Variants in ZC3H3 observed in about 807,000 individuals in gnomAD.
The protein encoded by ZC3H3 is zinc finger CCCH-type containing 3.
In ZC3H3, 36 loss-of-function variants were observed where a neutral mutation model predicts 77.3. That is an observed-to-expected ratio of 0.47 (90% CI 0.36 to 0.61). The LOEUF (loss-of-function observed/expected upper bound fraction) is 0.61, where lower values mean the gene tolerates loss of function less well. ZC3H3 is among the 20% of genes least tolerant of loss of function. The pLI is 0.00. For missense variants in ZC3H3, 1,331 were observed against 1,312.2 expected, an observed-to-expected ratio of 1.01 and a Z score of -0.22; for synonymous variants, 626 against 555.2, an observed-to-expected ratio of 1.13 and a Z score of -1.79.
chr8:143,468,709 C>T lies in ZC3H3; in HGVS notation c.1904-50G>A, dbSNP rs183238385. The T allele has an allele frequency of 1.1e-3, 1,708 of 1,522,086 alleles. 16 individuals are homozygous for T. Among genetic ancestry groups the T allele is most frequent in the Middle Eastern group, 9.9e-3 (45 of 4,528 alleles). The allele number at this position is 1,522,086 out of a possible 1,614,324, so 94.3% of individuals were successfully genotyped here. ...ATAGCAGGCCACAGCCTGGCCCGCA[C>T]GCCCTTTCCCTGCTGACCCCCTTAG... On this transcript the variant is annotated intron_variant, in intron 5 of 11. Transcript: ENST00000262577.
intron 9 of ZC3H3, among the ~76,000 whole-genome samples, chr8:143,447,798 C>T (rs538743016): frequency 4.2e-4 from 64 of 152,266 alleles, no homozygotes; most frequent in African/African-American, 1.5e-3. Flanking sequence ...GAGAAGCCTA[C>T]CACAAGAACA....
At chr8:143,515,424 G>A (rs888227461) in intron 3 of ZC3H3, among the ~76,000 whole-genome samples, 5 of 152,366 alleles carry the variant, frequency 3.3e-5, no homozygotes, top group Admixed American at 2.6e-4. Context: ...ATCAGCTTCC[G>A]GCAGACGGCA....
chr8:143,484,267 C>T (rs1820988839), intron 4 of ZC3H3, among the ~76,000 whole-genome samples: 1 of 152,198 alleles, frequency 6.6e-6, no homozygotes, highest in Non-Finnish European at 1.5e-5. Context: ...CCCCGTCTCA[C>T]CCCAGTAATG....
At chr8:143,535,768 G>A (rs1822775596) in intron 3 of ZC3H3, among the ~76,000 whole-genome samples, 1 of 152,234 alleles carries the variant, frequency 6.6e-6, no homozygotes, top group Admixed American at 6.5e-5. Flanking sequence ...ACTTAGAGTG[G>A]TACAGCAGGA....
chr8:143,439,811 C>T (rs1288836915), intron 11 of ZC3H3, among the ~76,000 whole-genome samples: 1 of 149,152 alleles, frequency 6.7e-6, no homozygotes, highest in African/African-American at 2.6e-5. Context: ...CGAGCCCGGC[C>T]ATGCTGCCTA....
intron 4 of ZC3H3, among the ~76,000 whole-genome samples, chr8:143,500,847 T>A (rs1180080790): frequency 6.8e-6 from 1 of 146,668 alleles, no homozygotes; most frequent in African/African-American, 2.5e-5. Flanking sequence ...ACTATCTCAC[T>A]CTGTTGCCCA....
rs1039749035 is a variant in ZC3H3, at chr8:143,518,547, C to T, written c.1562-10648G>A. ...CTGCCAGGACTCCCCGGCCACATGC[C>T]GCTCTCCTCTGGGCCACTCCTGGCC... On this transcript the variant is annotated intron_variant, in intron 3 of 11. Transcript: ENST00000262577. Among the ~76,000 whole-genome samples the T allele has an allele frequency of 7.9e-5, 12 of 152,378 alleles. 1 individual carries two copies. The highest frequency in any genetic ancestry group is 4.1e-4 in the South Asian group (2 of 4,830).
In ZC3H3 at chr8:143,539,280, C is replaced by T. The variant is rs768987461; in HGVS notation, c.87G>A (p.Pro29=). Residue 29 remains proline, a synonymous_variant, in exon 2 of 12, where the codon CCG becomes CCA. Transcript: ENST00000262577. ...DDYKTLHGNA[P]APGTPAASGW... The stretch of plus-strand genomic sequence containing the variant: ...CAGAAGCTGCTGGGGTACCAGGGGC[C>T]GGGGCATTGCCGTGGAGGGTTTTGT... The T allele has an allele frequency of 1.4e-5, 22 of 1,612,270 alleles. No homozygotes were observed. The highest frequency in any genetic ancestry group is 5.0e-5 in the Admixed American group (3 of 59,970).
At chr8:143,470,458 C>T (rs137992779) in intron 5 of ZC3H3, among the ~76,000 whole-genome samples, 4 of 152,284 alleles carry the variant, frequency 2.6e-5, no homozygotes, top group Non-Finnish European at 4.4e-5. Flanking sequence ...GTTCTCAGGC[C>T]GGGACCCTTG....
At chr8:143,439,891 A>AG (rs1466773929) in intron 11 of ZC3H3, 150 bp downstream of exon 11, 22 of 454,658 alleles carry the variant, frequency 4.8e-5, no homozygotes, top group African/African-American at 4.4e-4. Flanking sequence ...GTCCTTGGTG[A>AG]GGGAGGCCCT....
chr8:143,476,215 C>G (rs4873796), intron 4 of ZC3H3, among the ~76,000 whole-genome samples: 28,884 of 152,220 alleles, frequency 0.19, 2,996 homozygotes, highest in Non-Finnish European at 0.24. Context: ...CCTGTCCTGC[C>G]TCCCCTTCAT....
intron 4 of ZC3H3, among the ~76,000 whole-genome samples, chr8:143,492,676 G>A (rs965139675): frequency 1.9e-4 from 29 of 152,134 alleles, no homozygotes; most frequent in African/African-American, 5.6e-4. Context: ...AAAGGAAGAA[G>A]GCGCCCTGGC....
chr8:143,445,582 G>C (rs1390105822), intron 9 of ZC3H3, among the ~76,000 whole-genome samples: 1 of 151,548 alleles, frequency 6.6e-6, no homozygotes, highest in African/African-American at 2.4e-5. Context: ...AATCCCTGCT[G>C]CTTGAGAGGC....
In ZC3H3 at chr8:143,468,391, A is replaced by G. The variant is rs1358026661; in HGVS notation, c.2096T>C (p.Val699Ala). 1 of 1,612,702 alleles carries G rather than the reference A, an allele frequency of 6.2e-7. No individual in the cohort carries two copies. The highest frequency in any genetic ancestry group is 8.5e-7 in the Non-Finnish European group (1 of 1,179,772). ...PYIHDPEKVA[V>A]CTRFVRGTCK... ...GAGGGCAGGAGGGCACCTGGTGCAC[A>G]CGGCCACCTTCTCGGGATCGTGGAT... Residue 699 changes from valine to alanine, a missense_variant, in exon 7 of 12, where the codon GTG (valine) becomes GCG (alanine). Coordinates refer to ENST00000262577, the MANE Select transcript of ZC3H3 (RefSeq NM_015117.3).
In ZC3H3 at chr8:143,468,509, G is replaced by A. The variant is rs376076649; in HGVS notation, c.1978C>T (p.Arg660Trp). 8.1e-6 allele frequency: 13 copies of A among 1,608,966 alleles called. No homozygotes were observed. The highest frequency in any genetic ancestry group is 4.4e-5 in the South Asian group (4 of 90,222). ...TTCTCCCTGCGCTGCCGCGCCTGCC[G>A]GATGATGGCCAGGCTGCGCTGCACT... is the stretch of plus-strand genomic sequence containing the variant. ...RAVQRSLAII[R>W]QARQRREKRK... Residue 660 changes from arginine (R) to tryptophan (W), a missense_variant, in exon 7 of 12, where the codon CGG becomes TGG. Around this residue, in one of 3 missense-constraint regions of ZC3H3, gnomAD observed 978 missense variants for 915.5 expected, o/e 1.07. Transcript: ENST00000262577.
chr8:143,459,417 C>T (rs1398726008), intron 9 of ZC3H3, among the ~76,000 whole-genome samples: 5 of 152,272 alleles, frequency 3.3e-5, no homozygotes, highest in South Asian at 2.1e-4. Flanking sequence ...GGCCTGGCAG[C>T]GCGTGCCTGA....
intron 3 of ZC3H3, among the ~76,000 whole-genome samples, chr8:143,525,525 G>A (rs1159263534): frequency 6.6e-6 from 1 of 152,220 alleles, no homozygotes; most frequent in African/African-American, 2.4e-5. Context: ...GTCTCAGCTG[G>A]GAGCCGAGAG....
intron 3 of ZC3H3, among the ~76,000 whole-genome samples, chr8:143,520,510 G>C (rs1265225625): frequency 1.3e-5 from 2 of 152,212 alleles, no homozygotes; most frequent in Admixed American, 1.3e-4. Flanking sequence ...GGAAGCACCG[G>C]GGTGCAGGTC....
intron 5 of ZC3H3, among the ~76,000 whole-genome samples, chr8:143,473,526 C>A (rs1820639197): frequency 6.6e-6 from 1 of 152,208 alleles, no homozygotes; most frequent in East Asian, 1.9e-4. Context: ...TCGGGGTGCC[C>A]TTCCCTGGGC....
Sources: allele counts gnomAD v4.1 joint callset (sites outside exome capture counted in the v4.1 genomes callset), GRCh38; gene constraint gnomAD v4.1.1; regional missense constraint gnomAD v4.1.1; transcripts MANE v1.5; gene names NCBI Gene and HGNC (gene_info 2026-07-23, HGNC 2026-07-21).